Variants in DPP10 observed in about 807,000 individuals in gnomAD.
DPP10 encodes the protein dipeptidyl peptidase like 10.
In DPP10, 33 loss-of-function variants were observed where a neutral mutation model predicts 120.9. The observed-to-expected ratio is 0.27, with a 90% confidence interval of 0.21 to 0.37. The LOEUF is 0.37. Among genes scored for constraint, DPP10 ranks in the 10% least tolerant of loss-of-function variants. The pLI, the probability that DPP10 is intolerant of heterozygous loss-of-function variation, is 1.00. For synonymous variants in DPP10, 337 were observed against 326.1 expected (o/e 1.03, Z -0.36); for missense variants, 816 against 942.8 (o/e 0.87, Z 1.76).
intron 21 of DPP10, among the ~76,000 whole-genome samples, chr2:115,816,517 T>C (rs1687243522): frequency 6.6e-6 from 1 of 152,240 alleles, no homozygotes; most frequent in South Asian, 2.1e-4. Context: ...TATTTACTTA[T>C]TGCAGTAACT....
intron 5 of DPP10, among the ~76,000 whole-genome samples, chr2:115,568,551 ATC>A (rs993492458): frequency 1.3e-4 from 2 of 15,088 alleles, no homozygotes; most frequent in Admixed American, 1.2e-3. Context: ...GATGAGGTTG[ATC>A]TTTTTTTTTT....
At chr2:114,861,715 G>C (rs191894835) in intron 1 of DPP10, among the ~76,000 whole-genome samples, 1 of 152,136 alleles carries the variant, frequency 6.6e-6, no homozygotes, top group East Asian at 1.9e-4. Flanking sequence ...TCATTCTATA[G>C]GTTTGCAAGT....
intron 1 of DPP10, among the ~76,000 whole-genome samples, chr2:115,151,389 T>A (rs1461323684): frequency 6.6e-6 from 1 of 151,556 alleles, no homozygotes; most frequent in Non-Finnish European, 1.5e-5. Flanking sequence ...TTGATTTTTT[T>A]AAATTTCAGG....
At chr2:114,982,662 G>A (rs908174825) in intron 1 of DPP10, among the ~76,000 whole-genome samples, 2 of 150,612 alleles carry the variant, frequency 1.3e-5, no homozygotes, top group African/African-American at 4.9e-5. Context: ...GTTCACTGGT[G>A]CCATCGTGGC....
intron 2 of DPP10, among the ~76,000 whole-genome samples, chr2:115,321,357 T>C (rs954044076): frequency 3.3e-5 from 5 of 152,134 alleles, no homozygotes; most frequent in Non-Finnish European, 7.4e-5. Context: ...CACCTTCTTC[T>C]TGTCTCTATA....
At chr2:114,789,927 A>G (rs776590236) in intron 1 of DPP10, among the ~76,000 whole-genome samples, 1 of 152,234 alleles carries the variant, frequency 6.6e-6, no homozygotes, top group Non-Finnish European at 1.5e-5. Flanking sequence ...AAATAAAACA[A>G]CACATCTCAA....
At chr2:115,345,497 A>T (rs567301070) in intron 3 of DPP10, among the ~76,000 whole-genome samples, 2 of 152,284 alleles carry the variant, frequency 1.3e-5, no homozygotes, top group East Asian at 3.9e-4. Context: ...GACAAAATGA[A>T]AGTTGCTAGG....
At chr2:114,978,370 C>A (rs1699880099) in intron 1 of DPP10, among the ~76,000 whole-genome samples, 1 of 152,162 alleles carries the variant, frequency 6.6e-6, no homozygotes, top group Non-Finnish European at 1.5e-5. Flanking sequence ...CCTGATACTG[C>A]CTATCCAGGG....
chr2:115,335,673 A>G (rs2063082950), intron 2 of DPP10, among the ~76,000 whole-genome samples: 1 of 152,120 alleles, frequency 6.6e-6, no homozygotes, highest in East Asian at 1.9e-4. Context: ...AATCTTGACT[A>G]TTGTGATTTG....
At position 115,090,428 on chromosome 2, in the gene DPP10, G is replaced by T. The variant is rs187114133; in HGVS notation, c.61-218811G>T. ...ATGATGCTTCAAATATTATCCCCAAGTGGTGAGGGTTTTGTCAGGGATTTG... is the reference window on the plus strand; with the variant it reads ...ATGATGCTTCAAATATTATCCCCAATTGGTGAGGGTTTTGTCAGGGATTTG... On this transcript the variant is annotated intron_variant, in intron 1 of 25. Transcript: ENST00000410059. Among the ~76,000 whole-genome samples the T allele has an allele frequency of 1.8e-3, 280 of 152,180 alleles. 2 individuals carry two copies. The highest frequency in any genetic ancestry group is 6.6e-3 in the African/African-American group (275 of 41,512).
At chr2:114,886,765 A>G (rs1692108365) in intron 1 of DPP10, among the ~76,000 whole-genome samples, 1 of 152,138 alleles carries the variant, frequency 6.6e-6, no homozygotes, top group Non-Finnish European at 1.5e-5. Context: ...TTTCTTGTGC[A>G]ATGCCTATTC....
At chr2:115,169,559 TG>T (rs1207933897) in intron 1 of DPP10, among the ~76,000 whole-genome samples, 3 of 152,150 alleles carry the variant, frequency 2.0e-5, no homozygotes, top group African/African-American at 7.2e-5. Context: ...TATTTTTAGA[TG>T]AAGAGTCTAT....
intron 1 of DPP10, among the ~76,000 whole-genome samples, chr2:115,071,238 T>C (rs1559058506): frequency 1.3e-5 from 2 of 152,194 alleles, no homozygotes; most frequent in Admixed American, 1.3e-4. Context: ...GCCTATTTCT[T>C]GTCATTCTCT....
At chr2:115,478,890 G>C (rs747991655) in intron 3 of DPP10, among the ~76,000 whole-genome samples, 1 of 152,100 alleles carries the variant, frequency 6.6e-6, no homozygotes, top group Non-Finnish European at 1.5e-5. Context: ...CTATCAGAAA[G>C]AAAGTAAATA....
intron 1 of DPP10, among the ~76,000 whole-genome samples, chr2:114,730,000 C>A (rs1381758378): frequency 6.6e-6 from 1 of 152,114 alleles, no homozygotes; most frequent in African/African-American, 2.4e-5. Flanking sequence ...AGAAAAATAA[C>A]TTGTTTTGCT....
At chr2:114,608,536 T>A (rs1693016473) in intron 1 of DPP10, among the ~76,000 whole-genome samples, 1 of 152,084 alleles carries the variant, frequency 6.6e-6, no homozygotes, top group South Asian at 2.1e-4. Context: ...CCCTAAGATA[T>A]AAATAATTAT....
chr2:115,176,488 A>G (rs940415939), intron 1 of DPP10, among the ~76,000 whole-genome samples: 20 of 151,986 alleles, frequency 1.3e-4, no homozygotes, highest in Non-Finnish European at 2.5e-4. Flanking sequence ...CCAAGACTCC[A>G]CAGGTAGTAA....
intron 8 of DPP10, among the ~76,000 whole-genome samples, chr2:115,732,536 T>A (rs1375461618): frequency 6.6e-6 from 1 of 152,200 alleles, no homozygotes; most frequent in Non-Finnish European, 1.5e-5. Context: ...ACAAAACACG[T>A]ATAATGTTAT....
At chr2:115,650,072 T>C (rs184732032) in intron 5 of DPP10, among the ~76,000 whole-genome samples, 18 of 152,168 alleles carry the variant, frequency 1.2e-4, no homozygotes, top group African/African-American at 4.1e-4. Context: ...CTGTGGCCAG[T>C]GGTCATTTGT....
Sources: allele counts gnomAD v4.1 joint callset (sites outside exome capture counted in the v4.1 genomes callset), GRCh38; gene constraint gnomAD v4.1.1; transcripts MANE v1.5; gene names NCBI Gene and HGNC (gene_info 2026-07-23, HGNC 2026-07-21).